Variants in MRTFB observed in about 807,000 individuals in gnomAD.
MRTFB encodes the protein myocardin-related transcription factor B.
Under a neutral mutation model 104.2 loss-of-function variants are expected in MRTFB, and 29 were observed. The observed-to-expected ratio is 0.28, with a 90% confidence interval of 0.21 to 0.38. MRTFB has a LOEUF of 0.38. Among genes scored for constraint, MRTFB ranks in the 10% least tolerant of loss-of-function variants. MRTFB has a pLI of 1.00. For synonymous variants in MRTFB, 535 were observed against 519.5 expected (o/e 1.03, Z -0.41); for missense variants, 1,270 against 1,341.6 (o/e 0.95, Z 0.83).
the MRTFB span, among the ~76,000 whole-genome samples, chr16:14,025,153 A>G: frequency 6.6e-6 from 1 of 152,220 alleles, no homozygotes; most frequent in Non-Finnish European, 1.5e-5. Flanking sequence ...ATGGGGCAGT[A>G]AACAGCCAGC....
At chr16:14,111,221 G>A (rs2036249829) in intron 2 of MRTFB, among the ~76,000 whole-genome samples, 1 of 152,196 alleles carries the variant, frequency 6.6e-6, no homozygotes, top group Admixed American at 6.5e-5. Flanking sequence ...AGAGGGAGAG[G>A]TGGGGTTAAC....
At chr16:14,212,560 T>C in intron 5 of MRTFB, 151 bp downstream of exon 5, 9 of 727,026 alleles carry the variant, frequency 1.2e-5, no homozygotes, top group Non-Finnish European at 2.0e-5. Context: ...GAATATTTAC[T>C]CTGGGATAGT....
At chr16:14,217,885 G>C (rs371252023) in intron 7 of MRTFB, among the ~76,000 whole-genome samples, 2 of 152,098 alleles carry the variant, frequency 1.3e-5, no homozygotes, top group African/African-American at 4.8e-5. Flanking sequence ...TTTTATCCTC[G>C]TCTTACCACA....
chr16:14,092,510 G>C (rs898992444), intron 2 of MRTFB, among the ~76,000 whole-genome samples: 7 of 152,134 alleles, frequency 4.6e-5, no homozygotes, highest in Non-Finnish European at 1.5e-5. Flanking sequence ...TCCAGGTAAT[G>C]AAATTGTGCC....
At position 14,262,099 on chromosome 16, in the gene MRTFB, T is replaced by C. The variant is rs552264509; in HGVS notation, c.*655T>C. 3.9e-5 allele frequency: 6 copies of C among 152,366 alleles called. No individual in the cohort carries two copies. Among genetic ancestry groups the C allele is most frequent in the South Asian group, 4.1e-4 (2 of 4,822 alleles). 9.4% of individuals were successfully genotyped at this position (152,366 alleles called of 1,614,324 possible). On this transcript the variant is annotated 3_prime_UTR_variant, in exon 17 of 17. Coordinates refer to ENST00000571589, the MANE Select transcript of MRTFB (RefSeq NM_001308142.2). Reference sequence around the variant, plus strand: ...TCCAAATTTAAATTTAAATGCAAGATCTTTCAACATAAACAGAAGATACCT... The same window carrying C: ...TCCAAATTTAAATTTAAATGCAAGACCTTTCAACATAAACAGAAGATACCT...
chr16:14,160,292 G>A (rs1389976346), intron 3 of MRTFB, among the ~76,000 whole-genome samples: 1 of 152,010 alleles, frequency 6.6e-6, no homozygotes, highest in Non-Finnish European at 1.5e-5. Flanking sequence ...TTTGCAGAAT[G>A]ACCCCAATTT....
Position 14,118,169 on chromosome 16 carries a change from T to A in MRTFB, c.-63-22375T>A, listed in dbSNP as rs1429956551. Among the ~76,000 whole-genome samples the A allele has an allele frequency of 5.4e-5, 8 of 149,068 alleles. No individual in the cohort carries two copies. The South Asian group carries it at 8.8e-4, about 16-fold the overall frequency. On this transcript the variant is annotated intron_variant, in intron 2 of 16. Transcript: ENST00000571589. ...TTTTTTTTTGTGAGACAGGGTCTCATTCTGTCACCCAGGCTGGAGTGCAGC... is the reference window on the plus strand; with the variant it reads ...TTTTTTTTTGTGAGACAGGGTCTCAATCTGTCACCCAGGCTGGAGTGCAGC...
In MRTFB at chr16:14,221,525, C is replaced by T. The variant is rs1456258353; in HGVS notation, c.693+2527C>T. On this transcript the variant is annotated intron_variant, in intron 8 of 16. Transcript: ENST00000571589. ...AGACTCTCTCTGCAGTCTGTTTTTT[C>T]CTGCTTTAGAATTACCATCATACCA... Among the ~76,000 whole-genome samples the T allele has an allele frequency of 4.6e-5, 7 of 152,274 alleles. No homozygotes were observed. In the South Asian group the frequency reaches 1.2e-3, roughly 27 times the overall value.
the MRTFB span, among the ~76,000 whole-genome samples, chr16:14,063,642 A>G: frequency 6.6e-6 from 1 of 152,184 alleles, no homozygotes; most frequent in Non-Finnish European, 1.5e-5. Flanking sequence ...CACTTAGGAC[A>G]ATGGCATCCA....
chr16:13,997,639 A>C, the MRTFB span, among the ~76,000 whole-genome samples: 11 of 151,806 alleles, frequency 7.2e-5, no homozygotes, highest in Admixed American at 7.2e-4. Context: ...ACCAAAAAAA[A>C]AAAAATAGCT....
intron 3 of MRTFB, among the ~76,000 whole-genome samples, chr16:14,153,698 A>G (rs745577668): frequency 5.3e-5 from 8 of 152,216 alleles, no homozygotes; most frequent in Non-Finnish European, 1.2e-4. Context: ...CAGTGGTGTT[A>G]TTACACTGAA....
intron 8 of MRTFB, among the ~76,000 whole-genome samples, chr16:14,227,814 A>AT (rs960251511): frequency 2.0e-5 from 3 of 151,938 alleles, no homozygotes; most frequent in African/African-American, 7.2e-5. Flanking sequence ...CCTGCCAAAT[A>AT]TTTTTTAAAA....
the MRTFB span, among the ~76,000 whole-genome samples, chr16:14,041,493 C>A: frequency 4.6e-5 from 7 of 152,268 alleles, no homozygotes; most frequent in South Asian, 1.4e-3. Context: ...CGTGTTGTAG[C>A]ATCTCGTTTT....
chr16:14,223,291 C>T (rs2041824847), intron 8 of MRTFB, among the ~76,000 whole-genome samples: 1 of 151,974 alleles, frequency 6.6e-6, no homozygotes. Context: ...GCCTGGATAA[C>T]AGAGCGAGAC....
chr16:14,052,290 T>C, the MRTFB span, among the ~76,000 whole-genome samples: 2 of 152,190 alleles, frequency 1.3e-5, no homozygotes, highest in East Asian at 3.8e-4. Context: ...ATTTTTATTG[T>C]TACATAATAA....
rs2043881645 is a variant in MRTFB, at chr16:14,264,578, T to A, written c.*3134T>A. On this transcript the variant is annotated 3_prime_UTR_variant, in exon 17 of 17. Transcript: ENST00000571589. ...ATTTCTTGCTTAGATACTATTGTGT[T>A]TGTTTCATATGAATATTTTTGTAAT... The A allele has an allele frequency of 6.6e-6, 1 of 152,240 alleles. No homozygotes were observed. Among genetic ancestry groups the A allele is most frequent in the Admixed American group, 6.5e-5 (1 of 15,292 alleles). 9.4% of individuals were successfully genotyped at this position (152,240 alleles called of 1,614,324 possible).
chr16:14,152,169 CTTT>C (rs923534551), intron 3 of MRTFB: 1 of 152,004 alleles, frequency 6.6e-6, no homozygotes, highest in African/African-American at 2.4e-5. Flanking sequence ...CTTCTAAGTT[CTTT>C]TTCTTTTTGA....
At chr16:14,250,640 C>A (rs894370803) in intron 13 of MRTFB, among the ~76,000 whole-genome samples, 4 of 152,196 alleles carry the variant, frequency 2.6e-5, no homozygotes, top group Admixed American at 1.3e-4. Context: ...AAGAAGCTTA[C>A]ATGCCAGCCA....
chr16:14,061,803 G>A, the MRTFB span, among the ~76,000 whole-genome samples: 1 of 152,134 alleles, frequency 6.6e-6, no homozygotes. Flanking sequence ...GGTAGGACTT[G>A]CCTGAGTAGG....
Sources: allele counts gnomAD v4.1 joint callset (sites outside exome capture counted in the v4.1 genomes callset), GRCh38; gene constraint gnomAD v4.1.1; transcripts MANE v1.5; gene names NCBI Gene and HGNC (gene_info 2026-07-23, HGNC 2026-07-21).